MAPK14: variants seen among roughly 807,000 people sequenced by gnomAD.
MAPK14 encodes mitogen-activated protein kinase 14.
MAPK14 carries 16 observed loss-of-function variants against 49.6 expected under a neutral mutation model. That is an observed-to-expected ratio of 0.32 (90% CI 0.22 to 0.49). The LOEUF (loss-of-function observed/expected upper bound fraction) is 0.49. Ranked by LOEUF, MAPK14 falls within the 20% of genes least tolerant of loss-of-function variation. The pLI, the probability that MAPK14 is intolerant of heterozygous loss-of-function variation, is 0.99. For missense variants in MAPK14, 200 were observed against 441.2 expected (o/e 0.45, Z 4.90); for synonymous variants, 142 against 158.0 (o/e 0.90, Z 0.76).
intron 8 of MAPK14, chr6:36,092,778 C>T (rs1765288887): frequency 4.1e-6 from 1 of 246,244 alleles, no homozygotes; most frequent in Admixed American, 5.1e-5. Context: ...CGACTCAAGA[C>T]ATCGGCACCT....
At chr6:36,030,686 CAAA>C (rs35145056) in intron 1 of MAPK14, among the ~76,000 whole-genome samples, 3 of 118,400 alleles carry the variant, frequency 2.5e-5, no homozygotes, top group Admixed American at 8.8e-5. Flanking sequence ...GACGCCGTCT[CAAA>C]AAAAAAAAAA....
chr6:36,052,892 A>C lies in MAPK14; in HGVS notation c.246+64A>C, dbSNP rs147626548. The C allele has an allele frequency of 5.6e-4, 805 of 1,446,122 alleles. 2 individuals are homozygous for C. The highest frequency in any genetic ancestry group is 4.3e-3 in the Middle Eastern group (24 of 5,544). 89.6% of individuals were successfully genotyped at this position (1,446,122 alleles called of 1,614,324 possible). A position where few individuals can be genotyped will look rare whatever the true frequency, so the allele number is the denominator to read the frequency against. ...GAATAGACTGGGGAAAAATGTTTTA[A>C]TTACTGCAGATGGAAATACGCTGGA... On this transcript the variant is annotated intron_variant, in intron 2 of 11. Coordinates refer to ENST00000229794, the MANE Select transcript of MAPK14 (RefSeq NM_139012.3).
Position 36,079,580 on chromosome 6 carries a change from C to T in MAPK14, c.682+2972C>T, listed in dbSNP as rs932763761. ...GGGCTGCATCCAAAGCCCTGGGCCA[C>T]GTGCAGCCCGCAGGCCCTGGGTTGG... On this transcript the variant is annotated intron_variant, in intron 8 of 11. Coordinates refer to ENST00000229794, the MANE Select transcript of MAPK14 (RefSeq NM_139012.3). Among the ~76,000 whole-genome samples the T allele has an allele frequency of 8.5e-5, 13 of 152,306 alleles. No homozygotes were observed. The South Asian group carries it at 2.3e-3, about 27-fold the overall frequency.
chr6:36,028,967 C>T lies in MAPK14; in HGVS notation c.116+694C>T, dbSNP rs571109143. 1.3e-5 allele frequency: 2 copies of T among 151,968 alleles called. No homozygotes were observed. The highest frequency in any genetic ancestry group is 4.8e-5 in the African/African-American group (2 of 41,322). The allele number at this position is 151,968 out of a possible 1,614,324, so 9.4% of individuals were successfully genotyped here. A position where few individuals can be genotyped will look rare whatever the true frequency, so the allele number is the denominator to read the frequency against. The stretch of plus-strand genomic sequence containing the variant: ...TCCGATTCGGTTGAAAGCGTATTTC[C>T]TTTCCGTGGAGGGGCGGCGGTGGTA... On this transcript the variant is annotated intron_variant, in intron 1 of 11. Transcript: ENST00000229794. This position sits in a 1 kb window ranked among gnomAD's most constrained non-coding sequence, Gnocchi z 5.1.
chr6:36,111,975 G>A (rs968570744), downstream of MAPK14, among the ~76,000 whole-genome samples: 4 of 152,188 alleles, frequency 2.6e-5, no homozygotes, highest in Non-Finnish European at 5.9e-5. Flanking sequence ...GGGAGGCTGA[G>A]GCGGGCAGAT....
chr6:36,052,142 A>G (rs1763424360), intron 1 of MAPK14, among the ~76,000 whole-genome samples: 1 of 152,160 alleles, frequency 6.6e-6, no homozygotes, highest in African/African-American at 2.4e-5. Flanking sequence ...AGTACTTTGT[A>G]GGTGCTCAAG....
intron 8 of MAPK14, among the ~76,000 whole-genome samples, chr6:36,090,580 C>T (rs982235683): frequency 1.3e-5 from 2 of 149,642 alleles, no homozygotes; most frequent in African/African-American, 5.0e-5. Context: ...GGCTGGAGTG[C>T]AATGGCGCAA....
At chr6:36,032,045 G>A (rs991212072) in intron 1 of MAPK14, among the ~76,000 whole-genome samples, 2 of 152,000 alleles carry the variant, frequency 1.3e-5, no homozygotes, top group African/African-American at 2.4e-5. Context: ...GCCTCCCGAA[G>A]TGCTGGGATT....
chr6:36,046,697 G>T (rs563876158), intron 1 of MAPK14, among the ~76,000 whole-genome samples: 2 of 152,132 alleles, frequency 1.3e-5, no homozygotes, highest in South Asian at 4.2e-4. Context: ...TGATTGTTGG[G>T]GTCTATAGGG....
In MAPK14 at chr6:36,027,938, C is replaced by T. The variant is rs1282045155; in HGVS notation, c.-220C>T. 2 of 427,360 alleles carry T rather than the reference C, an allele frequency of 4.7e-6. No homozygotes were observed. The highest frequency in any genetic ancestry group is 2.1e-5 in the African/African-American group (1 of 48,746). The allele number at this position is 427,360 out of a possible 1,614,324, so 26.5% of individuals were successfully genotyped here. ...TTGAGCGCCGGAGCGCGTCCCTGCC[C>T]TTAGCGGGGCTTGCCCCAGTCGCAG... is the stretch of plus-strand genomic sequence containing the variant. On this transcript the variant is annotated 5_prime_UTR_variant, in exon 1 of 12. Transcript: ENST00000229794.
intron 10 of MAPK14, among the ~76,000 whole-genome samples, chr6:36,105,404 A>G (rs1180858172): frequency 1.4e-5 from 2 of 140,352 alleles, no homozygotes; most frequent in Non-Finnish European, 3.3e-5. Flanking sequence ...TGCCATGCCC[A>G]GCTAATAAGA....
At chr6:36,092,009 C>A in intron 8 of MAPK14, 1 of 406,492 alleles carries the variant, frequency 2.5e-6, no homozygotes, top group South Asian at 2.0e-5. Flanking sequence ...AGGACGGGCA[C>A]TTCAGATGGC....
intron 9 of MAPK14, among the ~76,000 whole-genome samples, chr6:36,102,071 A>C (rs1039912384): frequency 1.3e-5 from 2 of 152,194 alleles, no homozygotes; most frequent in African/African-American, 2.4e-5. Context: ...TGTTATATTA[A>C]GTTTATATTA....
At chr6:36,048,743 T>C (rs1763282115) in intron 1 of MAPK14, among the ~76,000 whole-genome samples, 1 of 152,210 alleles carries the variant, frequency 6.6e-6, no homozygotes, top group African/African-American at 2.4e-5. Flanking sequence ...TGGAGAAGAA[T>C]AGTTCTGGGT....
chr6:36,122,686 G>A, the MAPK14 span, among the ~76,000 whole-genome samples: 1 of 152,198 alleles, frequency 6.6e-6, no homozygotes, highest in Non-Finnish European at 1.5e-5. Context: ...GGGGGACCTC[G>A]GAGGAGGTGA....
intron 6 of MAPK14, among the ~76,000 whole-genome samples, chr6:36,074,625 C>CT (rs1433287986): frequency 5.3e-5 from 8 of 150,314 alleles, no homozygotes; most frequent in Admixed American, 3.3e-4. Context: ...TTTTTTTTTC[C>CT]TTTTTTTTGG....
In MAPK14 at chr6:36,075,920, G is replaced by C. The variant is rs1764514547; in HGVS notation, c.568G>C (p.Ala190Pro). ...CTACGTGGCCACTAGGTGGTACAGGGCTCCTGAGATCATGCTGAACTGGAT... is the reference window on the plus strand; with the variant it reads ...CTACGTGGCCACTAGGTGGTACAGGCCTCCTGAGATCATGCTGAACTGGAT... ...TGYVATRWYR[A>P]PEIMLNWMHY... The change falls in exon 7 of 12, where the codon GCT (alanine) becomes CCT (proline). Residue 190 changes from alanine (A) to proline (P), a missense_variant. Physicochemically the swap from Ala to Pro is conservative, Grantham distance 27. This residue lies in a region of MAPK14 where 170 missense variants were observed against 407.0 expected (regional missense o/e 0.42). Transcript: ENST00000229794. The C allele has an allele frequency of 6.2e-7, 1 of 1,613,914 alleles. No homozygotes were observed. Among genetic ancestry groups the C allele is most frequent in the Admixed American group, 1.7e-5 (1 of 59,994 alleles).
chr6:36,028,190 G>A lies in MAPK14; in HGVS notation c.33G>A (p.Gln11=). The A allele has an allele frequency of 6.2e-7, 1 of 1,613,802 alleles. No homozygotes were observed. Among genetic ancestry groups the A allele is most frequent in the Non-Finnish European group, 8.5e-7 (1 of 1,179,790 alleles). The change falls in exon 1 of 12, where the codon CAG becomes CAA. Residue 11 remains glutamine, a synonymous_variant. Coordinates refer to ENST00000229794, the MANE Select transcript of MAPK14 (RefSeq NM_139012.3). This position sits in a 1 kb window ranked among gnomAD's most constrained non-coding sequence, Gnocchi z 5.1. ...AGGAGAGGCCCACGTTCTACCGGCAGGAGCTGAACAAGACAATCTGGGAGG... is the reference window on the plus strand; with the variant it reads ...AGGAGAGGCCCACGTTCTACCGGCAAGAGCTGAACAAGACAATCTGGGAGG... MSQERPTFYR[Q]ELNKTIWEVP...
intron 8 of MAPK14, among the ~76,000 whole-genome samples, chr6:36,081,058 TATATCTTAG>T (rs1764739159): frequency 6.6e-6 from 1 of 152,210 alleles, no homozygotes; most frequent in Non-Finnish European, 1.5e-5. Context: ...TGGTTCTTTA[TATATCTTAG>T]ACCCTTATCA....
Sources: allele counts gnomAD v4.1 joint callset (sites outside exome capture counted in the v4.1 genomes callset), GRCh38; gene constraint gnomAD v4.1.1; regional missense constraint gnomAD v4.1.1; non-coding constraint Gnocchi (gnomAD v3.1); transcripts MANE v1.5; gene names NCBI Gene and HGNC (gene_info 2026-07-23, HGNC 2026-07-21).